RBM10: variants seen among roughly 807,000 people sequenced by gnomAD.
RBM10 encodes the protein RNA binding motif protein 10, also known as RNA-binding protein 10.
A neutral mutation model predicts 84.9 loss-of-function variants in RBM10; 1 was observed. The ratio of observed to expected loss-of-function variants is 0.01; its 90% confidence interval spans 0.00 to 0.06. The LOEUF is 0.06. Among genes scored for constraint, RBM10 ranks in the 10% least tolerant of loss-of-function variants. The pLI is 1.00. For synonymous variants in RBM10, 326 were observed against 344.5 expected (o/e 0.95, Z 0.60); for missense variants, 438 against 839.0 (o/e 0.52, Z 5.90).
intron 22 of RBM10, 42 bp downstream of exon 22, chrX:47,186,213 CG>C (rs2147224650): frequency 8.3e-7 from 1 of 1,210,295 alleles, no homozygotes; most frequent in Non-Finnish European, 1.1e-6. Context: ...AGCCCGGGGC[CG>C]GGGCCGGCAG....
At chrX:47,151,446 T>C (rs1297729933) in intron 2 of RBM10, among the ~76,000 whole-genome samples, 3 of 112,283 alleles carry the variant, frequency 2.7e-5, no homozygotes, top group African/African-American at 9.7e-5. Flanking sequence ...TGATGTTCTT[T>C]CTAAGTAGTT....
intron 2 of RBM10, among the ~76,000 whole-genome samples, chrX:47,150,334 AATTTTTTGT>A (rs2147075774): frequency 9.1e-6 from 1 of 109,617 alleles, no homozygotes; most frequent in East Asian, 2.9e-4. Flanking sequence ...ACACCTGGCT[AATTTTTTGT>A]ATTTTTAGTA....
At chrX:47,184,903 C>T in intron 17 of RBM10, 152 bp from the exon 18 acceptor site, 3 of 638,516 alleles carry the variant, frequency 4.7e-6, no homozygotes, top group Non-Finnish European at 7.2e-6. Context: ...GGAGCCGTAG[C>T]CCAGAGGCCA....
chrX:47,146,390 T>G (rs782311740), intron 1 of RBM10, among the ~76,000 whole-genome samples: 22 of 111,566 alleles, frequency 2.0e-4, no homozygotes, highest in Non-Finnish European at 3.8e-4. Flanking sequence ...GGAGTGTGTT[T>G]GTCTGTGTAT....
At chrX:47,160,553 G>A (rs1002109526) in intron 2 of RBM10, among the ~76,000 whole-genome samples, 1 of 109,696 alleles carries the variant, frequency 9.1e-6, no homozygotes, top group Middle Eastern at 4.7e-3. Flanking sequence ...AGGAGACACC[G>A]TCTCATGCCA....
At chrX:47,156,577 T>C (rs1556765250) in intron 2 of RBM10, 1 of 125,317 alleles carries the variant, frequency 8.0e-6, no homozygotes, top group African/African-American at 3.2e-5. Flanking sequence ...AGCATCGCCA[T>C]TGGGAGCTGC....
chrX:47,151,837 A>C (rs1186737880), intron 2 of RBM10, among the ~76,000 whole-genome samples: 1 of 112,611 alleles, frequency 8.9e-6, no homozygotes, highest in Non-Finnish European at 1.9e-5. Flanking sequence ...TAATAAATCA[A>C]GAAAATTATC....
chrX:47,181,832 C>T lies in RBM10; in HGVS notation c.1659C>T (p.Thr553=), dbSNP rs2147193062. Residue 553 remains threonine (T), a synonymous_variant, in exon 15 of 24, where the codon ACC becomes ACT. Coordinates refer to ENST00000377604, the MANE Select transcript of RBM10 (RefSeq NM_005676.5). Reference sequence around the variant, plus strand: ...CTAGTTCTGCTCTCCCACCGGCTACCAGCCCCACTGCCCAGGAATCCTACA... The same window carrying T: ...CTAGTTCTGCTCTCCCACCGGCTACTAGCCCCACTGCCCAGGAATCCTACA... ...THPSSALPPA[T]SPTAQESYSQ... 3.3e-6 allele frequency: 4 copies of T among 1,211,825 alleles called. No homozygotes were observed. The highest frequency in any genetic ancestry group is 4.5e-6 in the Non-Finnish European group (4 of 895,563).
intron 2 of RBM10, among the ~76,000 whole-genome samples, chrX:47,149,181 T>G (rs1477219303): frequency 1.8e-5 from 2 of 111,079 alleles, no homozygotes; most frequent in Non-Finnish European, 3.8e-5. Flanking sequence ...AGTGGGAGGT[T>G]TTTTTTGTTT....
At position 47,181,566 on chromosome X, in the gene RBM10, G is replaced by A. The variant is rs781843473; in HGVS notation, c.1495G>A (p.Ala499Thr). 3 of 1,208,835 alleles carry A rather than the reference G, an allele frequency of 2.5e-6. No individual in the cohort carries two copies. The highest frequency in any genetic ancestry group is 3.4e-6 in the Non-Finnish European group (3 of 894,652). Residue 499 changes from alanine (A) to threonine (T), a missense_variant, in exon 14 of 24, where the codon GCC (alanine) becomes ACC (threonine). By Grantham distance (58) the Ala-to-Thr change is moderately conservative (BLOSUM62 0). Transcript: ENST00000377604. ...DSVSMQAFSR[A>T]QPGAAPGIYQ... ...TGTGTCGATGCAGGCTTTCTCTCGC[G>A]CCCAGCCTGGTGCTGCTCCTGGCAT...
At chrX:47,158,436 CT>C (rs1216667562) in intron 2 of RBM10, among the ~76,000 whole-genome samples, 1 of 112,180 alleles carries the variant, frequency 8.9e-6, no homozygotes, top group African/African-American at 3.2e-5. Context: ...CGCAGTTTCA[CT>C]CTGTCGCCCA....
Position 47,186,679 on chromosome X carries a change from G to T in RBM10, c.*80G>T, listed in dbSNP as rs1602610238. On this transcript the variant is annotated 3_prime_UTR_variant, in exon 24 of 24. Coordinates refer to ENST00000377604, the MANE Select transcript of RBM10 (RefSeq NM_005676.5). ...GGACAGAGTGTTGGATGGCTGGGACGGGGCCTTGCTCTTGTCGGCCAGCCC... is the reference window on the plus strand; with the variant it reads ...GGACAGAGTGTTGGATGGCTGGGACTGGGCCTTGCTCTTGTCGGCCAGCCC... 8.7e-7 allele frequency: 1 copy of T among 1,144,973 alleles called. No homozygotes were observed. The highest frequency in any genetic ancestry group is 1.8e-5 in the African/African-American group (1 of 56,697). 94.4% of individuals were successfully genotyped at this position (1,144,973 alleles called of 1,213,427 possible).
chrX:47,150,302 G>C (rs1315956562), intron 2 of RBM10, among the ~76,000 whole-genome samples: 2 of 110,328 alleles, frequency 1.8e-5, no homozygotes, highest in South Asian at 3.8e-4. Flanking sequence ...CCGAGTAGCT[G>C]GTGCTACAGG....
At chrX:47,146,717 C>T (rs1347373750) in intron 1 of RBM10, among the ~76,000 whole-genome samples, 1 of 111,419 alleles carries the variant, frequency 9.0e-6, no homozygotes, top group Admixed American at 9.4e-5. Context: ...CCGGGCTGCA[C>T]ATAAGAGACA....
At chrX:47,174,928 G>A (rs1322174674) in intron 5 of RBM10, 91 bp from the exon 6 acceptor site, 11 of 631,748 alleles carry the variant, frequency 1.7e-5, no homozygotes, top group Middle Eastern at 3.5e-4. Flanking sequence ...TCTGCCCCCC[G>A]TCCTCTCCCC....
In RBM10 at chrX:47,181,833, A is replaced by G. The variant is rs2147193083; in HGVS notation, c.1660A>G (p.Ser554Gly). The change falls in exon 15 of 24, where the codon AGC (serine) becomes GGC (glycine). Residue 554 changes from serine to glycine, a missense_variant. Transcript: ENST00000377604. ...HPSSALPPAT[S>G]PTAQESYSQY... ...TAGTTCTGCTCTCCCACCGGCTACC[A>G]GCCCCACTGCCCAGGAATCCTACAG... 8.3e-7 allele frequency: 1 copy of G among 1,211,587 alleles called. No individual in the cohort carries two copies.
chrX:47,173,262 G>A (rs1159296192), intron 5 of RBM10, 65 bp downstream of exon 5: 7 of 1,185,583 alleles, frequency 5.9e-6, no homozygotes, highest in Non-Finnish European at 7.9e-6. Flanking sequence ...TCTCCCTCCT[G>A]CCTCTGCCTT....
Position 47,185,504 on chromosome X carries a change from G to A in RBM10, c.2229G>A (p.Glu743=), listed in dbSNP as rs1935837869. 3 of 1,174,386 alleles carry A rather than the reference G, an allele frequency of 2.6e-6. No individual in the cohort carries two copies. Among genetic ancestry groups the A allele is most frequent in the African/African-American group, 3.5e-5 (2 of 56,399 alleles). ...SGESDSEEEQ[E]RGGPEREEKL... is the part of the protein sequence containing the mutation. ...AGAGTGACAGTGAGGAGGAGCAGGA[G>A]CGTGGGGGCCCTGAGCGGGAGGAGA... is the stretch of plus-strand genomic sequence containing the variant. The change falls in exon 20 of 24, where the codon GAG becomes GAA. Residue 743 remains glutamate, a synonymous_variant. Transcript: ENST00000377604.
At chrX:47,164,156 A>T (rs2147114238) in intron 2 of RBM10, among the ~76,000 whole-genome samples, 1 of 111,108 alleles carries the variant, frequency 9.0e-6, no homozygotes, top group South Asian at 3.7e-4. Context: ...GGCGTGAGTC[A>T]CTGTGCCTGG....
Sources: gnomAD v4.1 joint callset for allele counts (sites outside exome capture counted in the v4.1 genomes callset) on GRCh38, gnomAD v4.1.1 for gene constraint, MANE v1.5 for transcripts, NCBI Gene and HGNC (gene_info 2026-07-23, HGNC 2026-07-21) for gene names.